MEI4: variants seen among roughly 807,000 people sequenced by gnomAD.
The protein encoded by MEI4 is meiosis-specific protein MEI4.
MEI4 carries 27 observed loss-of-function variants against 31.4 expected under a neutral mutation model. That is an observed-to-expected ratio of 0.86 (90% CI 0.63 to 1.19). MEI4 has a LOEUF of 1.19. Ranked by LOEUF, MEI4 falls within the 50% of genes most tolerant of loss-of-function variation. The pLI is 0.00. For missense variants in MEI4, 329 were observed against 398.9 expected (o/e 0.82, Z 1.49); for synonymous variants, 122 against 145.4 (o/e 0.84, Z 1.16).
chr6:77,817,481 C>T (rs1465514336), intron 3 of MEI4, among the ~76,000 whole-genome samples: 1 of 151,994 alleles, frequency 6.6e-6, no homozygotes, highest in Admixed American at 6.6e-5. Context: ...TTAGTTGGGT[C>T]GTCTCTGAAC....
chr6:77,711,811 T>A (rs199905112), intron 2 of MEI4, among the ~76,000 whole-genome samples: 1 of 152,194 alleles, frequency 6.6e-6, no homozygotes, highest in East Asian at 1.9e-4. Flanking sequence ...CTTTAAAAAA[T>A]TAGAAATAGT....
intron 1 of MEI4, among the ~76,000 whole-genome samples, chr6:77,671,054 G>GTT (rs35429284): frequency 2.2e-3 from 239 of 110,380 alleles, no homozygotes; most frequent in Middle Eastern, 5.4e-3. Context: ...GTGAATTGTT[G>GTT]TTTTTTTTTT....
intron 4 of MEI4, among the ~76,000 whole-genome samples, chr6:77,882,264 G>A (rs191704583): frequency 1.4e-4 from 22 of 152,190 alleles, no homozygotes; most frequent in African/African-American, 5.1e-4. Context: ...TTCACTAACC[G>A]GATAACTACA....
chr6:77,794,003 A>G (rs879936365), intron 3 of MEI4, among the ~76,000 whole-genome samples: 19 of 152,068 alleles, frequency 1.2e-4, no homozygotes, highest in Non-Finnish European at 2.6e-4. Context: ...CTGGATGAAT[A>G]GATTAAAAAA....
intron 2 of MEI4, among the ~76,000 whole-genome samples, chr6:77,713,942 GTTCCCATCAT>G (rs1766523195): frequency 6.6e-6 from 1 of 151,916 alleles, no homozygotes; most frequent in Non-Finnish European, 1.5e-5. Flanking sequence ...TGTCTTAAGT[GTTCCCATCAT>G]TTAGCTCCTA....
At chr6:77,799,770 T>G (rs1164189613) in intron 3 of MEI4, among the ~76,000 whole-genome samples, 1 of 152,152 alleles carries the variant, frequency 6.6e-6, no homozygotes, top group African/African-American at 2.4e-5. Context: ...CCATTGCTTG[T>G]TTTTCTCAGG....
At chr6:77,783,618 A>G (rs867010739) in intron 3 of MEI4, among the ~76,000 whole-genome samples, 2 of 147,348 alleles carry the variant, frequency 1.4e-5, no homozygotes, top group African/African-American at 5.2e-5. Flanking sequence ...ATATAAGATC[A>G]ATTTTAGTCC....
chr6:77,762,700 T>C (rs1768073063), intron 3 of MEI4, among the ~76,000 whole-genome samples: 1 of 152,192 alleles, frequency 6.6e-6, no homozygotes. Context: ...ATTTGTTTCA[T>C]GTACAGCTGT....
chr6:77,742,317 C>G lies in MEI4; in HGVS notation c.233-18813C>G, dbSNP rs9443465. Among the ~76,000 whole-genome samples, 1,040 of 151,880 alleles carry G rather than the reference C, an allele frequency of 6.8e-3. 11 individuals carry two copies. The highest frequency in any genetic ancestry group is 0.024 in the African/African-American group (981 of 41,342). On this transcript the variant is annotated intron_variant, in intron 2 of 4. Transcript: ENST00000684080. ...GACTTTTTAATGATTGCCATTCTAA[C>G]TGGTGTGAGATGGTATCTCATTGTG...
intron 1 of MEI4, among the ~76,000 whole-genome samples, chr6:77,678,027 G>C (rs1272275896): frequency 1.3e-5 from 2 of 152,070 alleles, no homozygotes; most frequent in Admixed American, 1.3e-4. Context: ...AATTTTCATG[G>C]TTTTAAACAA....
rs374491371 is a variant in MEI4 at position 77,727,430 on chromosome 6, T to C, written c.233-33700T>C. On this transcript the variant is annotated intron_variant, in intron 2 of 4. Coordinates refer to ENST00000684080, the MANE Select transcript of MEI4 (RefSeq NM_001322247.2). ...GCAAAGGCTAAGTTATTTGAAGATA[T>C]ATGTTTAGCATTTACCAGGGACAGT... is the stretch of plus-strand genomic sequence containing the variant. 5.3e-5 allele frequency among the ~76,000 whole-genome samples: 8 copies of C among 152,202 alleles called. No homozygotes were observed. The East Asian group carries it at 7.7e-4, about 15-fold the overall frequency.
intron 4 of MEI4, among the ~76,000 whole-genome samples, chr6:77,879,885 G>A (rs1490008618): frequency 3.3e-5 from 5 of 152,140 alleles, no homozygotes; most frequent in African/African-American, 1.2e-4. Context: ...CCACATGTAT[G>A]AAGCAAACCC....
At chr6:77,776,635 A>G (rs1419445382) in intron 3 of MEI4, among the ~76,000 whole-genome samples, 1 of 152,170 alleles carries the variant, frequency 6.6e-6, no homozygotes, top group African/African-American at 2.4e-5. Context: ...CCACATAAAG[A>G]AGGATAAAAC....
Position 77,827,698 on chromosome 6 carries a change from A to AT in MEI4, c.769-1232dup, listed in dbSNP as rs1336123723. ...ATGGTTTGGACCACAGTAGCCTCAC[A>AT]TATAATATTGTTGTCAGTCTTGGTT... On this transcript the variant is annotated intron_variant, in intron 3 of 4. Coordinates refer to ENST00000684080, the MANE Select transcript of MEI4 (RefSeq NM_001322247.2). 7.9e-5 allele frequency among the ~76,000 whole-genome samples: 12 copies of AT among 152,218 alleles called. No homozygotes were observed. The East Asian group carries it at 2.3e-3, about 29-fold the overall frequency.
At chr6:77,841,662 C>T (rs938669007) in intron 4 of MEI4, among the ~76,000 whole-genome samples, 1 of 151,642 alleles carries the variant, frequency 6.6e-6, no homozygotes, top group Non-Finnish European at 1.5e-5. Context: ...ATATTTTATC[C>T]TCTAGAACAA....
intron 4 of MEI4, among the ~76,000 whole-genome samples, chr6:77,859,104 G>A (rs1770807380): frequency 6.6e-6 from 1 of 152,118 alleles, no homozygotes; most frequent in Admixed American, 6.6e-5. Flanking sequence ...GTCCCACTTA[G>A]AGAACATGCG....
rs147542343 is a variant in MEI4 at position 77,804,924 on chromosome 6, ATATTT to A, written c.769-24003_769-23999del. 6.8e-3 allele frequency among the ~76,000 whole-genome samples: 1,029 copies of A among 152,284 alleles called. 9 individuals are homozygous for A. The highest frequency in any genetic ancestry group is 0.023 in the African/African-American group (939 of 41,546). ...ATGTCATGATTTTGGTATGACAAAT[ATATTT>A]TATGGGGCATTGGATTTTGTTCAGC... On this transcript the variant is annotated intron_variant, in intron 3 of 4. Coordinates refer to ENST00000684080, the MANE Select transcript of MEI4 (RefSeq NM_001322247.2).
chr6:77,912,401 G>A (rs1307870894), intron 4 of MEI4, among the ~76,000 whole-genome samples: 1 of 152,006 alleles, frequency 6.6e-6, no homozygotes, highest in African/African-American at 2.4e-5. Context: ...TGAATCTGTA[G>A]ATTAGAGTAA....
chr6:77,702,807 A>G (rs1387223705), intron 2 of MEI4, among the ~76,000 whole-genome samples: 1 of 152,102 alleles, frequency 6.6e-6, no homozygotes, highest in Non-Finnish European at 1.5e-5. Context: ...AGACATATCA[A>G]ATTTCTTCCA....
Sources: allele counts gnomAD v4.1 joint callset (sites outside exome capture counted in the v4.1 genomes callset), GRCh38; gene constraint gnomAD v4.1.1; transcripts MANE v1.5; gene names NCBI Gene and HGNC (gene_info 2026-07-23, HGNC 2026-07-21).